CFAP61: variants seen among roughly 807,000 people sequenced by gnomAD.
CFAP61 encodes the protein cilia and flagella associated protein 61, also known as cilia- and flagella-associated protein 61.
A neutral mutation model predicts 135.6 loss-of-function variants in CFAP61; 107 were observed. That is an observed-to-expected ratio of 0.79 (90% CI 0.67 to 0.93). The LOEUF (loss-of-function observed/expected upper bound fraction) is 0.93. Among genes scored for constraint, CFAP61 ranks in the 40% least tolerant of loss-of-function variants. The probability of loss-of-function intolerance (pLI) is 0.00; values close to 1 mark genes in which losing one functional copy is unlikely to be tolerated. For synonymous variants in CFAP61, 575 were observed against 578.5 expected, an observed-to-expected ratio of 0.99 and a Z score of 0.09; for missense variants, 1,507 against 1,556.2, an observed-to-expected ratio of 0.97 and a Z score of 0.53.
chr20:20,167,338 T>C (rs1406738944), intron 12 of CFAP61, among the ~76,000 whole-genome samples: 1 of 152,206 alleles, frequency 6.6e-6, no homozygotes, highest in African/African-American at 2.4e-5. Context: ...AAATTACTTA[T>C]TAAGGCACTT....
intron 20 of CFAP61, among the ~76,000 whole-genome samples, chr20:20,258,772 T>C (rs2051885790): frequency 6.6e-6 from 1 of 152,154 alleles, no homozygotes. Flanking sequence ...CTGACTGCCG[T>C]TGAATGTTTA....
At chr20:20,243,193 A>T (rs1369395961) in intron 18 of CFAP61, among the ~76,000 whole-genome samples, 2 of 152,108 alleles carry the variant, frequency 1.3e-5, no homozygotes, top group Admixed American at 6.5e-5. Context: ...CCTATTTTTA[A>T]AACCATCAGA....
chr20:20,270,347 G>A (rs2053245578), intron 21 of CFAP61, among the ~76,000 whole-genome samples: 1 of 152,082 alleles, frequency 6.6e-6, no homozygotes, highest in Non-Finnish European at 1.5e-5. Flanking sequence ...TGACAGCAGA[G>A]CACAATTTCC....
intron 13 of CFAP61, chr20:20,172,045 A>G (rs1340125523): frequency 5.1e-6 from 2 of 394,420 alleles, no homozygotes; most frequent in Non-Finnish European, 4.2e-6. Context: ...ACTTAGCTGC[A>G]AGGGAGCCTG....
intron 6 of CFAP61, among the ~76,000 whole-genome samples, chr20:20,082,076 C>T (rs1313759409): frequency 6.6e-6 from 1 of 152,208 alleles, no homozygotes; most frequent in East Asian, 1.9e-4. Flanking sequence ...GACTACCTCC[C>T]TCCTTAACAA....
chr20:20,250,678 AGAAGCAC>A (rs2050811795), intron 19 of CFAP61, among the ~76,000 whole-genome samples: 1 of 152,262 alleles, frequency 6.6e-6, no homozygotes, highest in Non-Finnish European at 1.5e-5. Flanking sequence ...CTAAATTAAA[AGAAGCAC>A]TTAATGTCCT....
intron 25 of CFAP61, among the ~76,000 whole-genome samples, chr20:20,308,405 C>T (rs1441206581): frequency 2.8e-5 from 4 of 141,056 alleles, no homozygotes; most frequent in Non-Finnish European, 6.0e-5. Flanking sequence ...ACATTCTCTC[C>T]AGATCATGTG....
At chr20:20,137,794 T>C (rs544980230) in intron 8 of CFAP61, among the ~76,000 whole-genome samples, 78 of 152,256 alleles carry the variant, frequency 5.1e-4, no homozygotes, top group African/African-American at 1.8e-3. Flanking sequence ...CTTTACTCTT[T>C]CCTCTGCTTT....
intron 6 of CFAP61, among the ~76,000 whole-genome samples, chr20:20,078,119 T>C (rs2046186077): frequency 6.6e-6 from 1 of 152,226 alleles, no homozygotes; most frequent in Non-Finnish European, 1.5e-5. Context: ...CTACAAAGAG[T>C]CTGTTCTGTC....
At chr20:20,053,582 A>G (rs1044140363) in intron 1 of CFAP61, among the ~76,000 whole-genome samples, 2 of 152,220 alleles carry the variant, frequency 1.3e-5, no homozygotes, top group Admixed American at 6.5e-5. Context: ...GGGAAAATAT[A>G]TATTTATGTA....
intron 20 of CFAP61, among the ~76,000 whole-genome samples, chr20:20,252,950 G>A (rs1408664697): frequency 6.6e-6 from 1 of 152,232 alleles, no homozygotes; most frequent in African/African-American, 2.4e-5. Context: ...CCAGTCATCA[G>A]TATTTTTCAG....
In CFAP61 at chr20:20,075,735, C is replaced by T. The variant is rs942583964; in HGVS notation, c.566+120C>T. 46 of 1,006,930 alleles carry T rather than the reference C, an allele frequency of 4.6e-5. No homozygotes were observed. In the African/African-American group the frequency reaches 7.3e-4, roughly 16 times the overall value. 62.4% of individuals were successfully genotyped at this position (1,006,930 alleles called of 1,614,324 possible). A position where few individuals can be genotyped will look rare whatever the true frequency, so the allele number is the denominator to read the frequency against. On this transcript the variant is annotated intron_variant, in intron 6 of 26. Coordinates refer to ENST00000245957, the MANE Select transcript of CFAP61 (RefSeq NM_015585.4). ...TTAGATCAAAATTTTTTACAATACTCATAAGCATTACTTCATTTGGATATC... is the reference window on the plus strand; with the variant it reads ...TTAGATCAAAATTTTTTACAATACTTATAAGCATTACTTCATTTGGATATC...
In CFAP61 at chr20:20,175,535, TTTTGTTTTGA is replaced by T. The variant is rs1380138392; in HGVS notation, c.1385+6076_1385+6085del. On this transcript the variant is annotated intron_variant, in intron 13 of 26. Transcript: ENST00000245957. ...TTTTGTTTTGTTTTGTTTTGTTTTG[TTTTGTTTTGA>T]GACAGAGTCTCACTCTGTCACCCAG... 1.5e-4 allele frequency among the ~76,000 whole-genome samples: 9 copies of T among 59,508 alleles called. No individual in the cohort carries two copies. The South Asian group carries it at 4.3e-3, about 28-fold the overall frequency. 39.0% of individuals were successfully genotyped at this position (59,508 alleles called of 152,430 possible).
intron 8 of CFAP61, among the ~76,000 whole-genome samples, chr20:20,119,724 G>A (rs2146690684): frequency 6.6e-6 from 1 of 152,208 alleles, no homozygotes; most frequent in East Asian, 1.9e-4. Context: ...TTGTTGGACA[G>A]CTTATTTCAT....
Position 20,277,166 on chromosome 20 carries a change from G to A in CFAP61, c.2504G>A (p.Gly835Glu), listed in dbSNP as rs767035549. The A allele has an allele frequency of 1.3e-6, 2 of 1,598,056 alleles. No homozygotes were observed. Among genetic ancestry groups the A allele is most frequent in the East Asian group, 4.5e-5 (2 of 44,538 alleles). The part of the protein sequence containing the change: ...WIRNNSITTE[G>E]NIIVYGNTID... Reference sequence around the variant, plus strand: ...CTTAGCGTTTTCCCTTCTTTCCTAGGGAATATCATTGTCTATGGGAATACA... The same window carrying A: ...CTTAGCGTTTTCCCTTCTTTCCTAGAGAATATCATTGTCTATGGGAATACA... The change falls in exon 22 of 27, where the codon GGG becomes GAG. Residue 835 changes from glycine to glutamate, a missense_variant and splice_region_variant. Gly to Glu is a moderately conservative substitution (Grantham distance 98). Coordinates refer to ENST00000245957, the MANE Select transcript of CFAP61 (RefSeq NM_015585.4).
chr20:20,329,836 T>C (rs2057915343), intron 25 of CFAP61, among the ~76,000 whole-genome samples: 1 of 152,210 alleles, frequency 6.6e-6, no homozygotes, highest in African/African-American at 2.4e-5. Flanking sequence ...CTTCAGTAGA[T>C]CCTCCCCGTG....
At chr20:20,207,403 T>G (rs2056904284) in intron 17 of CFAP61, among the ~76,000 whole-genome samples, 1 of 152,152 alleles carries the variant, frequency 6.6e-6, no homozygotes, top group South Asian at 2.1e-4. Context: ...TGCATTCTCC[T>G]CCCTGCAGAG....
chr20:20,164,287 C>T, intron 11 of CFAP61, 59 bp downstream of exon 11: 2 of 1,512,886 alleles, frequency 1.3e-6, no homozygotes, highest in Non-Finnish European at 1.8e-6. Context: ...CATTGGTGGC[C>T]CAACATTTTA....
intron 8 of CFAP61, among the ~76,000 whole-genome samples, chr20:20,106,748 T>G (rs1337972287): frequency 6.6e-6 from 1 of 152,228 alleles, no homozygotes; most frequent in Non-Finnish European, 1.5e-5. Context: ...TAAATAACCC[T>G]TTTATTTGTT....
Sources: gnomAD v4.1 joint callset for allele counts (sites outside exome capture counted in the v4.1 genomes callset) on GRCh38, gnomAD v4.1.1 for gene constraint, MANE v1.5 for transcripts, NCBI Gene and HGNC (gene_info 2026-07-23, HGNC 2026-07-21) for gene names.